Variants in PTPRO observed in about 807,000 individuals in gnomAD.
PTPRO encodes the protein protein tyrosine phosphatase receptor type O, also known as receptor-type tyrosine-protein phosphatase O.
PTPRO carries 62 observed loss-of-function variants against 145.2 expected under a neutral mutation model. The observed-to-expected ratio is 0.43, with a 90% CI of 0.35 to 0.53. The LOEUF is 0.53. Ranked by LOEUF, PTPRO falls within the 20% of genes least tolerant of loss-of-function variation. PTPRO has a pLI of 0.01. For missense variants in PTPRO, 1,345 were observed against 1,482.7 expected (o/e 0.91, Z 1.53); for synonymous variants, 565 against 514.7 (o/e 1.10, Z -1.32).
intron 15 of PTPRO, among the ~76,000 whole-genome samples, chr12:15,556,339 A>G (rs1353800372): frequency 6.6e-6 from 1 of 152,218 alleles, no homozygotes; most frequent in African/African-American, 2.4e-5. Context: ...TAATTAGCAC[A>G]TTGTGCCAGT....
At chr12:15,582,167 G>A (rs563855083) in intron 23 of PTPRO, among the ~76,000 whole-genome samples, 8 of 152,264 alleles carry the variant, frequency 5.3e-5, no homozygotes, top group African/African-American at 9.6e-5. Context: ...TGCCTTAAGC[G>A]GTTTTCCGCC....
At chr12:15,439,382 C>A (rs1940692407) in intron 1 of PTPRO, 2 of 163,600 alleles carry the variant, frequency 1.2e-5, no homozygotes, top group South Asian at 1.8e-4. Flanking sequence ...ACAAAGCAAC[C>A]AGCTAACAAC....
At chr12:15,389,023 A>G (rs926088674) in intron 1 of PTPRO, among the ~76,000 whole-genome samples, 1 of 149,550 alleles carries the variant, frequency 6.7e-6, no homozygotes, top group Non-Finnish European at 1.5e-5. Flanking sequence ...TTTTGATGGT[A>G]TTTTTTTTTC....
chr12:15,381,685 G>A (rs556727301), intron 1 of PTPRO, among the ~76,000 whole-genome samples: 2 of 152,174 alleles, frequency 1.3e-5, no homozygotes, highest in African/African-American at 2.4e-5. Flanking sequence ...TCTCCCTTTC[G>A]CAGCTCCCAT....
chr12:15,369,803 A>C (rs1938469150), intron 1 of PTPRO, among the ~76,000 whole-genome samples: 1 of 152,080 alleles, frequency 6.6e-6, no homozygotes, highest in African/African-American at 2.4e-5. Flanking sequence ...TGTAATTCCA[A>C]CACTTTGAGA....
chr12:15,514,163 AAGC>A (rs1403031262), intron 7 of PTPRO, among the ~76,000 whole-genome samples: 1 of 152,164 alleles, frequency 6.6e-6, no homozygotes, highest in Non-Finnish European at 1.5e-5. Flanking sequence ...TTTTTAAAAA[AAGC>A]AGGGCCAAGT....
At chr12:15,455,446 A>G (rs1205183191) in intron 1 of PTPRO, among the ~76,000 whole-genome samples, 1 of 152,174 alleles carries the variant, frequency 6.6e-6, no homozygotes, top group Non-Finnish European at 1.5e-5. Flanking sequence ...AGAAGTAAGG[A>G]CATTTGAACA....
intron 1 of PTPRO, among the ~76,000 whole-genome samples, chr12:15,436,807 G>A (rs375668875): frequency 2.0e-5 from 3 of 152,326 alleles, no homozygotes; most frequent in Admixed American, 6.5e-5. Flanking sequence ...GGCCTCCACA[G>A]CCAGAACTGT....
At chr12:15,538,531 C>T (rs1014776573) in intron 12 of PTPRO, among the ~76,000 whole-genome samples, 1 of 152,126 alleles carries the variant, frequency 6.6e-6, no homozygotes, top group Non-Finnish European at 1.5e-5. Flanking sequence ...CCCACTTTAG[C>T]ACTTCTCTAA....
chr12:15,565,103 A>G (rs1943864268), intron 17 of PTPRO, among the ~76,000 whole-genome samples: 2 of 152,218 alleles, frequency 1.3e-5, no homozygotes, highest in Non-Finnish European at 2.9e-5. Flanking sequence ...TACAAGGTAC[A>G]TGTCCACACT....
chr12:15,479,850 A>G (rs1355952820), intron 1 of PTPRO, among the ~76,000 whole-genome samples: 1 of 152,172 alleles, frequency 6.6e-6, no homozygotes, highest in African/African-American at 2.4e-5. Flanking sequence ...TCTTCAGATG[A>G]GTATGAGGAT....
At chr12:15,537,976 C>T (rs552360547) in intron 12 of PTPRO, among the ~76,000 whole-genome samples, 34 of 152,244 alleles carry the variant, frequency 2.2e-4, no homozygotes, top group Non-Finnish European at 4.0e-4. Context: ...GTAAGATAAA[C>T]ACATGCATGT....
intron 15 of PTPRO, among the ~76,000 whole-genome samples, chr12:15,554,490 A>G (rs998563259): frequency 6.6e-6 from 1 of 152,080 alleles, no homozygotes; most frequent in African/African-American, 2.4e-5. Flanking sequence ...ATTAACTTCC[A>G]CGATCACAAG....
chr12:15,385,440 A>G (rs1938993816), intron 1 of PTPRO, among the ~76,000 whole-genome samples: 1 of 152,144 alleles, frequency 6.6e-6, no homozygotes, highest in Non-Finnish European at 1.5e-5. Context: ...CCAGAAAGGT[A>G]TACACTTGGC....
chr12:15,489,111 T>C (rs1458234158), intron 2 of PTPRO, among the ~76,000 whole-genome samples: 2 of 152,168 alleles, frequency 1.3e-5, no homozygotes, highest in Non-Finnish European at 2.9e-5. Flanking sequence ...TGCCATGTCC[T>C]AGGTACCAAA....
chr12:15,492,597 A>C (rs1942021953), intron 2 of PTPRO, among the ~76,000 whole-genome samples: 1 of 152,102 alleles, frequency 6.6e-6, no homozygotes, highest in Non-Finnish European at 1.5e-5. Context: ...GAATAAATTA[A>C]AATTTTTATA....
intron 1 of PTPRO, chr12:15,348,445 C>T (rs902802746): frequency 6.6e-6 from 1 of 152,068 alleles, no homozygotes; most frequent in African/African-American, 2.4e-5. Flanking sequence ...ATTCTGCCAA[C>T]AACAGTGAAG....
In PTPRO at chr12:15,449,675, C is replaced by T. The variant is rs116589860; in HGVS notation, c.76-34299C>T. ...ATCATTTCATTATGGCTATGTATAG[C>T]AAAACCTCATGTTATACACCTTACA... On this transcript the variant is annotated intron_variant, in intron 1 of 26. Coordinates refer to ENST00000281171, the MANE Select transcript of PTPRO (RefSeq NM_030667.3). Among the ~76,000 whole-genome samples the T allele has an allele frequency of 2.2e-3, 338 of 152,268 alleles. 1 individual carries two copies. Among genetic ancestry groups the T allele is most frequent in the African/African-American group, 8.0e-3 (332 of 41,546 alleles).
intron 1 of PTPRO, among the ~76,000 whole-genome samples, chr12:15,331,842 G>A (rs1866616475): frequency 6.6e-6 from 1 of 152,002 alleles, no homozygotes; most frequent in African/African-American, 2.4e-5. Flanking sequence ...GTTTTTGTGT[G>A]CCAGAATTTC....
Sources: gnomAD v4.1 joint callset for allele counts (sites outside exome capture counted in the v4.1 genomes callset) on GRCh38, gnomAD v4.1.1 for gene constraint, MANE v1.5 for transcripts, NCBI Gene and HGNC (gene_info 2026-07-23, HGNC 2026-07-21) for gene names.